PLEKHH1: variants seen among roughly 807,000 people sequenced by gnomAD.
PLEKHH1 encodes the protein pleckstrin homology, MyTH4 and FERM domain containing H1.
A neutral mutation model predicts 160.0 loss-of-function variants in PLEKHH1; 104 were observed. That is an observed-to-expected ratio of 0.65 (90% CI 0.55 to 0.76). The LOEUF (loss-of-function observed/expected upper bound fraction) is 0.76. Ranked by LOEUF, PLEKHH1 falls within the 30% of genes least tolerant of loss-of-function variation. PLEKHH1 has a pLI of 0.00. For synonymous variants in PLEKHH1, 619 were observed against 678.4 expected (o/e 0.91, Z 1.36); for missense variants, 1,427 against 1,724.1 (o/e 0.83, Z 3.05).
At chr14:67,563,135 T>G (rs1255989604) in intron 7 of PLEKHH1, among the ~76,000 whole-genome samples, 1 of 152,204 alleles carries the variant, frequency 6.6e-6, no homozygotes, top group Non-Finnish European at 1.5e-5. Context: ...CACCATACAT[T>G]GAGCTGGGTG....
intron 1 of PLEKHH1, among the ~76,000 whole-genome samples, chr14:67,541,593 A>G (rs184986461): frequency 5.3e-5 from 8 of 152,272 alleles, no homozygotes; most frequent in Non-Finnish European, 1.0e-4. Context: ...GTTCTCCTTA[A>G]GGTTTCTCAG....
chr14:67,575,516 C>CGGGG, intron 15 of PLEKHH1, 44 bp downstream of exon 15: 13 of 1,213,320 alleles, frequency 1.1e-5, no homozygotes, highest in Non-Finnish European at 1.6e-5. Context: ...CTGCTTCCCC[C>CGGGG]GAAGCACATG....
chr14:67,585,551 T>C lies in PLEKHH1; in HGVS notation c.3700-17T>C. On this transcript the variant is annotated splice_polypyrimidine_tract_variant and intron_variant, in intron 26 of 28. Coordinates refer to ENST00000329153, the MANE Select transcript of PLEKHH1 (RefSeq NM_020715.3). ...CTAACTATGGATATATCTGATGGGT[T>C]GTTTCTGTTTCCCCAGCCTGCCCAG... 6.5e-7 allele frequency: 1 copy of C among 1,537,040 alleles called. No homozygotes were observed. Among genetic ancestry groups the C allele is most frequent in the Non-Finnish European group, 8.9e-7 (1 of 1,128,830 alleles).
At chr14:67,583,970 A>C (rs76327566) in intron 25 of PLEKHH1, 25 bp from the exon 26 acceptor site, 1 of 1,613,540 alleles carries the variant, frequency 6.2e-7, no homozygotes, top group Non-Finnish European at 8.5e-7. Flanking sequence ...CATTGGCACT[A>C]TTTCTCTCCA....
intron 8 of PLEKHH1, 106 bp downstream of exon 8, chr14:67,569,322 C>T (rs922278087): frequency 2.9e-5 from 22 of 750,850 alleles, no homozygotes; most frequent in East Asian, 1.0e-4. Flanking sequence ...GGTTGGCTGG[C>T]CTACCCTGTT....
intron 1 of PLEKHH1, among the ~76,000 whole-genome samples, chr14:67,535,977 A>C (rs2033699486): frequency 6.6e-6 from 1 of 152,232 alleles, no homozygotes; most frequent in Non-Finnish European, 1.5e-5. Flanking sequence ...AAAGAAGTTA[A>C]GCAAATGGCT....
At chr14:67,567,487 G>A (rs1342295609) in intron 7 of PLEKHH1, among the ~76,000 whole-genome samples, 1 of 151,918 alleles carries the variant, frequency 6.6e-6, no homozygotes, top group Non-Finnish European at 1.5e-5. Flanking sequence ...ACCACTCTGG[G>A]CAGAAATAAT....
chr14:67,576,767 C>G lies in PLEKHH1; in HGVS notation c.2461+264C>G, dbSNP rs1183556547. Reference sequence around the variant, plus strand: ...ATGTTTTACTTGGATCAAGCTGCCCCGTTGCTGGCTGGGCAGAGGGCTGAG... The same window carrying G: ...ATGTTTTACTTGGATCAAGCTGCCCGGTTGCTGGCTGGGCAGAGGGCTGAG... On this transcript the variant is annotated intron_variant, in intron 17 of 28. Coordinates refer to ENST00000329153, the MANE Select transcript of PLEKHH1 (RefSeq NM_020715.3). This position sits in a 1 kb window ranked among gnomAD's most constrained non-coding sequence, Gnocchi z 4.0. 6.6e-6 allele frequency among the ~76,000 whole-genome samples: 1 copy of G among 152,088 alleles called. No individual in the cohort carries two copies. Among genetic ancestry groups the G allele is most frequent in the Non-Finnish European group, 1.5e-5 (1 of 68,024 alleles).
At chr14:67,577,241 G>T in intron 17 of PLEKHH1, 61 bp from the exon 18 acceptor site, 1 of 1,019,494 alleles carries the variant, frequency 9.8e-7, no homozygotes, top group South Asian at 1.4e-5. Context: ...GGCGGTGAGT[G>T]GGAGATGAGT....
Position 67,569,476 on chromosome 14 carries a change from C to A in PLEKHH1, c.1342+260C>A, listed in dbSNP as rs3742870. ...ATCTGAGAGGGGGCCTCCAGCCCAG[C>A]CTCCCACCTGCACAGGCTTCGCTTC... On this transcript the variant is annotated intron_variant, in intron 8 of 28. Coordinates refer to ENST00000329153, the MANE Select transcript of PLEKHH1 (RefSeq NM_020715.3). Among the ~76,000 whole-genome samples, 555 of 152,332 alleles carry A rather than the reference C, an allele frequency of 3.6e-3. 14 individuals are homozygous for A. In the East Asian group the frequency reaches 0.07, roughly 19 times the overall value.
Position 67,583,825 on chromosome 14 carries a change from G to A in PLEKHH1, c.3511G>A (p.Val1171Ile), listed in dbSNP as rs1275050030. 2 of 1,613,254 alleles carry A rather than the reference G, an allele frequency of 1.2e-6. No individual in the cohort carries two copies. Among genetic ancestry groups the A allele is most frequent in the South Asian group, 1.1e-5 (1 of 90,948 alleles). ...PAKAQHLLQQ[V>I]LDRFHPRRYR... The stretch of plus-strand genomic sequence containing the variant: ...CAAGGCTCAGCATCTTCTCCAGCAG[G>A]TCCTAGACAGGTTCCACCCCAGGCG... Residue 1171 changes from valine (V) to isoleucine (I), a missense_variant, in exon 25 of 29, where the codon GTC becomes ATC. Coordinates refer to ENST00000329153, the MANE Select transcript of PLEKHH1 (RefSeq NM_020715.3).
At chr14:67,539,537 T>G (rs567073054) in intron 1 of PLEKHH1, among the ~76,000 whole-genome samples, 3 of 152,218 alleles carry the variant, frequency 2.0e-5, no homozygotes, top group Non-Finnish European at 4.4e-5. Flanking sequence ...GAGATTATGG[T>G]GTCAGAATAT....
At chr14:67,581,165 A>G in intron 23 of PLEKHH1, 127 bp downstream of exon 23, 1 of 649,160 alleles carries the variant, frequency 1.5e-6, no homozygotes. Flanking sequence ...ACTGCCTGGC[A>G]GTCACTAGCT....
At chr14:67,556,006 C>A in intron 3 of PLEKHH1, 119 bp downstream of exon 3, 2 of 1,312,334 alleles carry the variant, frequency 1.5e-6, no homozygotes, top group Non-Finnish European at 2.1e-6. Flanking sequence ...TATACCTGAA[C>A]AAATGAGTGT....
Position 67,562,201 on chromosome 14 carries a change from T to C in PLEKHH1, c.570T>C (p.Ser190=). The change falls in exon 7 of 29, where the codon TCT becomes TCC. Residue 190 remains serine (S), a synonymous_variant. Transcript: ENST00000329153. ...CCTACGGAGCTGCAGAGCAGGATTC[T>C]GTCCCTTCAGAGCCGGGAATCCAGC... ...VPPYGAAEQD[S]VPSEPGIQPM... 6.2e-7 allele frequency: 1 copy of C among 1,611,682 alleles called. No individual in the cohort carries two copies. Among genetic ancestry groups the C allele is most frequent in the Middle Eastern group, 1.7e-4 (1 of 6,056 alleles).
Position 67,582,100 on chromosome 14 carries a change from A to T in PLEKHH1, c.3316A>T (p.Thr1106Ser). 1 of 1,612,486 alleles carries T rather than the reference A, an allele frequency of 6.2e-7. No individual in the cohort carries two copies. The highest frequency in any genetic ancestry group is 8.5e-7 in the Non-Finnish European group (1 of 1,179,424). Residue 1106 changes from threonine (T) to serine (S), a missense_variant, in exon 24 of 29, where the codon ACG becomes TCG. Around this residue, in one of 6 missense-constraint regions of PLEKHH1, gnomAD observed 436 missense variants for 607.5 expected, o/e 0.72. Coordinates refer to ENST00000329153, the MANE Select transcript of PLEKHH1 (RefSeq NM_020715.3). The surrounding 1 kb of genome is among the most constrained non-coding windows in gnomAD (Gnocchi z 5.0). ...LYFRSQVKGE[T>S]DRERLLLASQ... ...CTTTCGCAGTCAAGTCAAAGGGGAG[A>T]CGGACCGAGAACGGCTGCTCCTTGC...
chr14:67,563,878 T>C (rs2140426602), intron 7 of PLEKHH1, among the ~76,000 whole-genome samples: 1 of 148,214 alleles, frequency 6.7e-6, no homozygotes, highest in African/African-American at 2.5e-5. Context: ...GAATTACAGG[T>C]GTGTGCCACC....
intron 28 of PLEKHH1, chr14:67,586,546 G>A: frequency 4.8e-6 from 3 of 625,040 alleles, no homozygotes; most frequent in South Asian, 3.0e-5. Flanking sequence ...TTGTTGTGGG[G>A]AAGACCGCAA....
intron 2 of PLEKHH1, among the ~76,000 whole-genome samples, chr14:67,549,522 C>T (rs1410936158): frequency 1.3e-5 from 2 of 152,120 alleles, no homozygotes; most frequent in African/African-American, 2.4e-5. Context: ...CCGCCTGCCT[C>T]GGCCTCCCAA....
Sources: allele counts gnomAD v4.1 joint callset (sites outside exome capture counted in the v4.1 genomes callset), GRCh38; gene constraint gnomAD v4.1.1; regional missense constraint gnomAD v4.1.1; non-coding constraint Gnocchi (gnomAD v3.1); transcripts MANE v1.5; gene names NCBI Gene and HGNC (gene_info 2026-07-23, HGNC 2026-07-21).